DHX9: variants seen among roughly 807,000 people sequenced by gnomAD.
The protein encoded by DHX9 is DExH-box helicase 9.
In DHX9, 27 loss-of-function variants were observed where a neutral mutation model predicts 148.7. That is an observed-to-expected ratio of 0.18 (90% CI 0.13 to 0.25). The LOEUF is 0.25. Ranked by LOEUF, DHX9 falls within the 10% of genes least tolerant of loss-of-function variation. DHX9 has a pLI of 1.00. For synonymous variants in DHX9, 529 were observed against 516.6 expected, an observed-to-expected ratio of 1.02 and a Z score of -0.33; for missense variants, 796 against 1,559.6, an observed-to-expected ratio of 0.51 and a Z score of 8.25.
chr1:182,877,882 A>G (rs1007756638), intron 19 of DHX9, 139 bp from the exon 20 acceptor site: 5 of 958,844 alleles, frequency 5.2e-6, no homozygotes, highest in South Asian at 1.8e-5. Context: ...GCTGATTCTT[A>G]CTTGTGCCAT....
At chr1:182,869,372 C>T (rs1028838882) in intron 14 of DHX9, among the ~76,000 whole-genome samples, 21 of 151,908 alleles carry the variant, frequency 1.4e-4, no homozygotes, top group Admixed American at 6.6e-5. Flanking sequence ...TAATCTAGTC[C>T]GGATAGGTCT....
Position 182,867,040 on chromosome 1 carries a change from T to A in DHX9, c.1554T>A (p.Ile518=), listed in dbSNP as rs1270674797. ...TAGATGAAATACATGAAAGAGATAT[T>A]AATGTAAGTAACTTGAGAGGTACAG... ...VIVDEIHERD[I]NTDFLLVVLR... Residue 518 remains isoleucine, a synonymous_variant, in exon 14 of 28, where the codon ATT becomes ATA. Transcript: ENST00000367549. The A allele has an allele frequency of 7.6e-6, 12 of 1,588,252 alleles. No homozygotes were observed.
At chr1:182,873,363 TAAG>T (rs1390879548) in intron 15 of DHX9, among the ~76,000 whole-genome samples, 5 of 152,042 alleles carry the variant, frequency 3.3e-5, no homozygotes, top group Admixed American at 1.3e-4. Flanking sequence ...GGCATGAAAA[TAAG>T]AGAGAAACAG....
At chr1:182,852,786 A>G (rs940318758) in intron 4 of DHX9, among the ~76,000 whole-genome samples, 1 of 152,228 alleles carries the variant, frequency 6.6e-6, no homozygotes, top group African/African-American at 2.4e-5. Flanking sequence ...TTCGTTTCCA[A>G]GAACCTAGCA....
intron 8 of DHX9, 134 bp downstream of exon 8, chr1:182,858,374 G>A (rs1668293523): frequency 1.7e-6 from 2 of 1,161,812 alleles, no homozygotes; most frequent in South Asian, 3.0e-5. Flanking sequence ...AATCATCTCT[G>A]TGTCTGGCAT....
chr1:182,856,643 G>A (rs1027903301), intron 7 of DHX9, 65 bp downstream of exon 7: 2 of 1,439,558 alleles, frequency 1.4e-6, no homozygotes, highest in Non-Finnish European at 2.0e-6. Context: ...CACATTTTAA[G>A]TCTTGAGTCA....
At chr1:182,869,544 G>A (rs1359960090) in intron 14 of DHX9, among the ~76,000 whole-genome samples, 2 of 152,218 alleles carry the variant, frequency 1.3e-5, no homozygotes, top group African/African-American at 4.8e-5. Flanking sequence ...GTCTTGCCCA[G>A]TCCTGACCGG....
chr1:182,884,923 G>A (rs1463235535), intron 27 of DHX9, 110 bp downstream of exon 27: 1 of 934,378 alleles, frequency 1.1e-6, no homozygotes, highest in African/African-American at 1.7e-5. Flanking sequence ...TAAAATTCTA[G>A]ATATAGATAG....
At position 182,878,176 on chromosome 1, in the gene DHX9, A is replaced by G; in HGVS notation, c.2351+3A>G. The G allele has an allele frequency of 6.2e-7, 1 of 1,614,098 alleles. No homozygotes were observed. Among genetic ancestry groups the G allele is most frequent in the Non-Finnish European group, 8.5e-7 (1 of 1,179,976 alleles). The stretch of plus-strand genomic sequence containing the variant: ...TGCAGCCGAGCTCGTTTTGAGAGGT[A>G]AGACCCATTCTTGACCTTTAGTAAG... On this transcript the variant is annotated splice_donor_region_variant and intron_variant, in intron 20 of 27. Transcript: ENST00000367549.
chr1:182,885,475 A>G (rs916779513), intron 27 of DHX9, among the ~76,000 whole-genome samples: 3 of 152,176 alleles, frequency 2.0e-5, no homozygotes, highest in African/African-American at 4.8e-5. Flanking sequence ...TTTTACATCA[A>G]TACACTTCAT....
Position 182,874,954 on chromosome 1 carries a change from T to A in DHX9, c.1815T>A (p.Asp605Glu). The change falls in exon 16 of 28, where the codon GAT (aspartate) becomes GAA (glutamate). Residue 605 changes from aspartate to glutamate, a missense_variant and splice_region_variant. Asp to Glu is a conservative substitution (Grantham distance 45). Coordinates refer to ENST00000367549, the MANE Select transcript of DHX9 (RefSeq NM_001357.5). ...DKDDDGGEDD[D>E]ANCNLICGDE... Reference sequence around the variant, plus strand: ...ATGATGATGGTGGTGAGGATGATGATGTAAGTGAATTTCATGAAGAATTTC... The same window carrying A: ...ATGATGATGGTGGTGAGGATGATGAAGTAAGTGAATTTCATGAAGAATTTC... 1 of 1,609,590 alleles carries A rather than the reference T, an allele frequency of 6.2e-7. No homozygotes were observed. The highest frequency in any genetic ancestry group is 8.5e-7 in the Non-Finnish European group (1 of 1,176,184).
In DHX9 at chr1:182,880,542, G is replaced by A. The variant is rs1235787104; in HGVS notation, c.2558G>A (p.Arg853Gln). ...AATGATGAGTTGACTCCTTTGGGAC[G>A]AATCCTGGCTAAACTCCCCATTGAG... is the stretch of plus-strand genomic sequence containing the variant. ...DANDELTPLG[R>Q]ILAKLPIEPR... Residue 853 changes from arginine (R) to glutamine (Q), a missense_variant, in exon 22 of 28, where the codon CGA (arginine) becomes CAA (glutamine). This residue lies in a region of DHX9 where 122 missense variants were observed against 289.3 expected (regional missense o/e 0.42). Transcript: ENST00000367549. The A allele has an allele frequency of 1.2e-6, 2 of 1,613,800 alleles. No homozygotes were observed. Among genetic ancestry groups the A allele is most frequent in the Admixed American group, 1.7e-5 (1 of 60,002 alleles).
chr1:182,875,014 T>A, intron 16 of DHX9, 60 bp downstream of exon 16: 1 of 1,322,504 alleles, frequency 7.6e-7, no homozygotes, highest in Non-Finnish European at 1.1e-6. Context: ...GAGAAAAAAA[T>A]GAGTTAATGT....
At position 182,853,435 on chromosome 1, in the gene DHX9, A is replaced by G. The variant is rs1419412857; in HGVS notation, c.477+17A>G. Reference sequence around the variant, plus strand: ...GTGCAAGCGGTAAGGCCAGCACCGTAGGTTACATCTCTGAGAATGTGATTT... The same window carrying G: ...GTGCAAGCGGTAAGGCCAGCACCGTGGGTTACATCTCTGAGAATGTGATTT... On this transcript the variant is annotated intron_variant, in intron 5 of 27. Transcript: ENST00000367549. The G allele has an allele frequency of 1.9e-6, 3 of 1,563,540 alleles. No individual in the cohort carries two copies. The highest frequency in any genetic ancestry group is 2.6e-6 in the Non-Finnish European group (3 of 1,139,720).
chr1:182,860,800 T>G (rs1283025533), intron 12 of DHX9, among the ~76,000 whole-genome samples: 1 of 152,198 alleles, frequency 6.6e-6, no homozygotes, highest in African/African-American at 2.4e-5. Flanking sequence ...AGCGCCTGCA[T>G]GTTTGTCCCA....
Position 182,887,254 on chromosome 1 carries a change from T to C in DHX9, c.3633T>C (p.Gly1211=). ...GSANSFRAGY[G]AGVGGGYRGV... The stretch of plus-strand genomic sequence containing the variant: ...CCAACTCCTTTCGGGCAGGATATGG[T>C]GCAGGTGTTGGTGGAGGCTATAGAG... Residue 1211 remains glycine (G), a synonymous_variant, in exon 28 of 28, where the codon GGT becomes GGC. Transcript: ENST00000367549. 1 of 1,614,078 alleles carries C rather than the reference T, an allele frequency of 6.2e-7. No individual in the cohort carries two copies. Among genetic ancestry groups the C allele is most frequent in the Non-Finnish European group, 8.5e-7 (1 of 1,180,020 alleles).
intron 3 of DHX9, among the ~76,000 whole-genome samples, chr1:182,850,618 A>G (rs1429192149): frequency 6.6e-6 from 1 of 152,090 alleles, no homozygotes; most frequent in Non-Finnish European, 1.5e-5. Flanking sequence ...AAGGTTTTAA[A>G]TGGGAACAGA....
chr1:182,860,485 CTCTA>C (rs1668340974), intron 12 of DHX9, among the ~76,000 whole-genome samples: 1 of 152,198 alleles, frequency 6.6e-6, no homozygotes, highest in South Asian at 2.1e-4. Context: ...TCTTGGTCAT[CTCTA>C]TCTAACCACC....
chr1:182,878,195 T>C lies in DHX9; in HGVS notation c.2351+22T>C, dbSNP rs201727640. 73 of 1,613,028 alleles carry C rather than the reference T, an allele frequency of 4.5e-5. 1 individual carries two copies. Among genetic ancestry groups the C allele is most frequent in the South Asian group, 8.8e-5 (8 of 90,970 alleles). The stretch of plus-strand genomic sequence containing the variant: ...AGAGGTAAGACCCATTCTTGACCTT[T>C]AGTAAGGGATTTTTGTTCTGTTCTC... On this transcript the variant is annotated intron_variant, in intron 20 of 27. Coordinates refer to ENST00000367549, the MANE Select transcript of DHX9 (RefSeq NM_001357.5).
Sources: allele counts gnomAD v4.1 joint callset (sites outside exome capture counted in the v4.1 genomes callset), GRCh38; gene constraint gnomAD v4.1.1; regional missense constraint gnomAD v4.1.1; transcripts MANE v1.5; gene names NCBI Gene and HGNC (gene_info 2026-07-23, HGNC 2026-07-21).